Variants in ANKRD44 observed in about 807,000 individuals in gnomAD.
ANKRD44 encodes the protein ankyrin repeat domain 44, also known as serine/threonine-protein phosphatase 6 regulatory ankyrin repeat subunit B.
A neutral mutation model predicts 116.0 loss-of-function variants in ANKRD44; 35 were observed. The ratio of observed to expected loss-of-function variants is 0.30; its 90% CI spans 0.23 to 0.40. The LOEUF (loss-of-function observed/expected upper bound fraction) is 0.40, where lower values mean the gene tolerates loss of function less well. Ranked by LOEUF, ANKRD44 falls within the 10% of genes least tolerant of loss-of-function variation. ANKRD44 has a pLI of 1.00. For missense variants in ANKRD44, 1,014 were observed against 1,242.6 expected (o/e 0.82, Z 2.77); for synonymous variants, 435 against 461.8 (o/e 0.94, Z 0.74).
chr2:197,180,946 C>T (rs1164451686), intron 2 of ANKRD44, among the ~76,000 whole-genome samples: 2 of 99,340 alleles, frequency 2.0e-5, no homozygotes, highest in Admixed American at 1.3e-4. Flanking sequence ...AAAGTCCCCT[C>T]ATCATATAGT....
intron 16 of ANKRD44, among the ~76,000 whole-genome samples, chr2:197,067,170 A>G (rs1460782170): frequency 2.6e-5 from 4 of 152,146 alleles, no homozygotes; most frequent in Non-Finnish European, 5.9e-5. Flanking sequence ...CCTGACAAAA[A>G]CAAGCAATGG....
chr2:197,147,473 A>T, intron 2 of ANKRD44, among the ~76,000 whole-genome samples: 1 of 152,104 alleles, frequency 6.6e-6, no homozygotes, highest in East Asian at 1.9e-4. Flanking sequence ...AATATAGTTC[A>T]AAGCTTTCAA....
intron 1 of ANKRD44, among the ~76,000 whole-genome samples, chr2:197,261,202 T>C (rs1266954690): frequency 6.6e-6 from 1 of 151,662 alleles, no homozygotes; most frequent in South Asian, 2.1e-4. Flanking sequence ...AGGGTTTTTA[T>C]GGTTTTAGGT....
intron 20 of ANKRD44, among the ~76,000 whole-genome samples, 157 bp from the exon 21 acceptor site, chr2:197,006,067 C>A (rs1344536253): frequency 6.6e-6 from 1 of 152,210 alleles, no homozygotes; most frequent in Non-Finnish European, 1.5e-5. Context: ...GGCAGGACAA[C>A]CTCAGCAAAA....
At chr2:197,288,904 G>C (rs2083481363) in intron 1 of ANKRD44, among the ~76,000 whole-genome samples, 1 of 152,180 alleles carries the variant, frequency 6.6e-6, no homozygotes, top group Non-Finnish European at 1.5e-5. Flanking sequence ...AGAAGGATAA[G>C]TGGGTGGGAG....
chr2:196,993,580 T>TA lies in ANKRD44; in HGVS notation c.2923+2dup. On this transcript the variant is annotated splice_region_variant and intron_variant, in intron 27 of 27. Transcript: ENST00000282272. ...GCAGTCGCTGTTGACTTTTTCCACT[T>TA]ACCATTTTCATCTACAGCAAGTACA... 1 of 1,550,508 alleles carries TA rather than the reference T, an allele frequency of 6.4e-7. No homozygotes were observed. The highest frequency in any genetic ancestry group is 8.7e-7 in the Non-Finnish European group (1 of 1,146,690).
At chr2:197,222,269 G>A (rs963432129) in intron 1 of ANKRD44, among the ~76,000 whole-genome samples, 1 of 152,108 alleles carries the variant, frequency 6.6e-6, no homozygotes. Context: ...AAGAAGAGGA[G>A]GAGGAGGGTA....
In ANKRD44 at chr2:197,128,314, A is replaced by G. The variant is rs2079023566; in HGVS notation, c.262-2277T>C. 2.0e-5 allele frequency among the ~76,000 whole-genome samples: 3 copies of G among 152,126 alleles called. No homozygotes were observed. The South Asian group carries it at 6.2e-4, about 32-fold the overall frequency. On this transcript the variant is annotated intron_variant, in intron 4 of 27. Coordinates refer to ENST00000282272, the MANE Select transcript of ANKRD44 (RefSeq NM_001195144.2). ...CCTCACCAGCATCTCTTGTTTCTTG[A>G]CATTCTAATAACTGCCATTCTGACT...
rs140088635 is a variant in ANKRD44 at position 197,209,606 on chromosome 2, G to A, written c.28-22500C>T. On this transcript the variant is annotated intron_variant, in intron 1 of 27. Coordinates refer to ENST00000282272, the MANE Select transcript of ANKRD44 (RefSeq NM_001195144.2). ...GTCAATAACAGCTGGCCCATTTGCCGTTCCAGTTTAGGAGAAATCTGGATG... is the reference window on the plus strand; with the variant it reads ...GTCAATAACAGCTGGCCCATTTGCCATTCCAGTTTAGGAGAAATCTGGATG... Among the ~76,000 whole-genome samples, 423 of 152,282 alleles carry A rather than the reference G, an allele frequency of 2.8e-3. 1 individual carries two copies. Among genetic ancestry groups the A allele is most frequent in the African/African-American group, 9.1e-3 (377 of 41,542 alleles).
intron 2 of ANKRD44, among the ~76,000 whole-genome samples, chr2:197,179,564 G>A (rs2080453550): frequency 1.3e-5 from 2 of 152,164 alleles, no homozygotes; most frequent in Non-Finnish European, 2.9e-5. Flanking sequence ...CTACAAAAAT[G>A]TCCAGTAATT....
chr2:197,068,374 A>T lies in ANKRD44; in HGVS notation c.1650+10329T>A, dbSNP rs570850232. Among the ~76,000 whole-genome samples, 215 of 46,018 alleles carry T rather than the reference A, an allele frequency of 4.7e-3. 7 individuals are homozygous for T. In the South Asian group the frequency reaches 0.16, roughly 34 times the overall value. The allele number at this position is 46,018 out of a possible 152,430, so 30.2% of individuals were successfully genotyped here. ...CTTAGAGTATAATAAAAAAAATAAA[A>T]AAAAGAAAAAAATAAAAAAAAAATA... On this transcript the variant is annotated intron_variant, in intron 16 of 27. Coordinates refer to ENST00000282272, the MANE Select transcript of ANKRD44 (RefSeq NM_001195144.2).
chr2:197,128,806 T>C (rs1375133754), intron 4 of ANKRD44, among the ~76,000 whole-genome samples: 1 of 152,176 alleles, frequency 6.6e-6, no homozygotes, highest in African/African-American at 2.4e-5. Context: ...TCAAGAAAAG[T>C]TTCTTTAACA....
In ANKRD44 at chr2:197,024,269, G is replaced by C. The variant is rs2076549431; in HGVS notation, c.1722+927C>G. 2.0e-5 allele frequency among the ~76,000 whole-genome samples: 3 copies of C among 152,174 alleles called. No individual in the cohort carries two copies. The South Asian group carries it at 6.2e-4, about 32-fold the overall frequency. On this transcript the variant is annotated intron_variant, in intron 17 of 27. Coordinates refer to ENST00000282272, the MANE Select transcript of ANKRD44 (RefSeq NM_001195144.2). ...AAAGTCATAAACACAGTTAAACAAA[G>C]AAACCCAGCCCCTTCCCATTCTTCC...
At position 197,125,697 on chromosome 2, in the gene ANKRD44, G is replaced by A. The variant is rs1253020564; in HGVS notation, c.462+140C>T. 5 of 1,045,162 alleles carry A rather than the reference G, an allele frequency of 4.8e-6. No individual in the cohort carries two copies. In the Admixed American group the frequency reaches 9.1e-5, roughly 19 times the overall value. The allele number at this position is 1,045,162 out of a possible 1,614,324, so 64.7% of individuals were successfully genotyped here. A position where few individuals can be genotyped will look rare whatever the true frequency, so the allele number is the denominator to read the frequency against. On this transcript the variant is annotated intron_variant, in intron 5 of 27. Transcript: ENST00000282272. ...TTCAATTCATTGTGGCTCTAAAGTT[G>A]AGAATGATATAGATGCTGAAGGTTT...
intron 1 of ANKRD44, among the ~76,000 whole-genome samples, chr2:197,234,378 G>C (rs2081934469): frequency 6.6e-6 from 1 of 152,066 alleles, no homozygotes; most frequent in Non-Finnish European, 1.5e-5. Context: ...TTTTTGTAGA[G>C]ATGAGGTTTT....
At chr2:197,010,873 G>A (rs1227523084) in intron 18 of ANKRD44, among the ~76,000 whole-genome samples, 1 of 152,196 alleles carries the variant, frequency 6.6e-6, no homozygotes, top group Non-Finnish European at 1.5e-5. Flanking sequence ...TGCCAGCCAC[G>A]AGAGAATGCT....
chr2:197,090,060 A>C, intron 10 of ANKRD44, 28 bp from the exon 11 acceptor site: 48 of 1,542,148 alleles, frequency 3.1e-5, no homozygotes, highest in Non-Finnish European at 4.2e-5. Flanking sequence ...AGAGCAACTC[A>C]CGGCAACAGA....
At chr2:197,100,141 A>T (rs146024412) in intron 9 of ANKRD44, among the ~76,000 whole-genome samples, 2 of 152,364 alleles carry the variant, frequency 1.3e-5, no homozygotes, top group African/African-American at 4.8e-5. Context: ...GAAGTCTATT[A>T]GAGATGCTTT....
rs529221874 is a variant in ANKRD44, at chr2:197,276,073, C to T, written c.27+34505G>A. 1.5e-4 allele frequency among the ~76,000 whole-genome samples: 23 copies of T among 151,916 alleles called. No homozygotes were observed. In the South Asian group the frequency reaches 3.5e-3, roughly 23 times the overall value. On this transcript the variant is annotated intron_variant, in intron 1 of 27. Transcript: ENST00000282272. ...GGCAAATCACCTGAGGTCAGGAGTT[C>T]GAGACCAGCCTGGCCAACATGGTGA...
Sources: allele counts gnomAD v4.1 joint callset (sites outside exome capture counted in the v4.1 genomes callset), GRCh38; gene constraint gnomAD v4.1.1; transcripts MANE v1.5; gene names NCBI Gene and HGNC (gene_info 2026-07-23, HGNC 2026-07-21).